Variants in PGS1 observed in about 807,000 individuals in gnomAD.
PGS1 encodes CDP-diacylglycerol--glycerol-3-phosphate 3-phosphatidyltransferase, mitochondrial.
PGS1 carries 44 observed loss-of-function variants against 58.3 expected under a neutral mutation model. That is an observed-to-expected ratio of 0.75 (90% CI 0.59 to 0.97). The LOEUF (loss-of-function observed/expected upper bound fraction) is 0.97. Among genes scored for constraint, PGS1 ranks in the 50% least tolerant of loss-of-function variants. PGS1 has a pLI of 0.00. For missense variants in PGS1, 684 were observed against 731.1 expected (o/e 0.94, Z 0.74); for synonymous variants, 330 against 311.0 (o/e 1.06, Z -0.64).
In PGS1 at chr17:78,399,527, A is replaced by G. The variant is rs2083489381; in HGVS notation, c.691A>G (p.Ile231Val). Residue 231 changes from isoleucine to valine, a missense_variant, in exon 5 of 10, where the codon ATC becomes GTC. Transcript: ENST00000262764. ...IKVYLFDNSV[I>V]LSGANLSDSY... ...GGTGTACCTCTTCGACAACAGCGTC[A>G]TCTTGAGCGGGTGAGTGCTTCCCAC... 1 of 1,614,170 alleles carries G rather than the reference A, an allele frequency of 6.2e-7. No homozygotes were observed. The highest frequency in any genetic ancestry group is 8.5e-7 in the Non-Finnish European group (1 of 1,180,022).
At chr17:78,417,519 A>G (rs1400668091) in intron 8 of PGS1, among the ~76,000 whole-genome samples, 1 of 152,076 alleles carries the variant, frequency 6.6e-6, no homozygotes, top group African/African-American at 2.4e-5. Context: ...TTGATGGGAA[A>G]AGCCAAGGCC....
chr17:78,379,088 G>A (rs1049529361), intron 1 of PGS1, among the ~76,000 whole-genome samples: 1 of 152,232 alleles, frequency 6.6e-6, no homozygotes, highest in African/African-American at 2.4e-5. Flanking sequence ...CACCGTGCTT[G>A]TTGGCGAGCC....
intron 6 of PGS1, among the ~76,000 whole-genome samples, chr17:78,402,187 G>T (rs55829039): frequency 0.021 from 3,159 of 152,260 alleles, 36 homozygotes; most frequent in Middle Eastern, 0.037. Context: ...CTGTAGCCCA[G>T]CCCTGAAAGG....
At chr17:78,423,735 C>T in intron 9 of PGS1, 1 of 859,892 alleles carries the variant, frequency 1.2e-6, no homozygotes, top group Non-Finnish European at 1.8e-6. Flanking sequence ...CCACCTCTTC[C>T]ACACCAACCT....
At chr17:78,402,412 A>G (rs1048762091) in intron 6 of PGS1, among the ~76,000 whole-genome samples, 64 of 14,544 alleles carry the variant, frequency 4.4e-3, no homozygotes, top group Middle Eastern at 0.028. Context: ...ATATATATAT[A>G]TATATATATA....
In PGS1 at chr17:78,392,542, C is replaced by T. The variant is rs1768881336; in HGVS notation, c.210C>T (p.Cys70=). 1.2e-6 allele frequency: 2 copies of T among 1,614,044 alleles called. No homozygotes were observed. Among genetic ancestry groups the T allele is most frequent in the African/African-American group, 1.3e-5 (1 of 74,942 alleles). The change falls in exon 2 of 10, where the codon TGC becomes TGT. Residue 70 remains cysteine (C), a synonymous_variant. Transcript: ENST00000262764. The part of the protein sequence containing the change: ...PAVPQVTSPP[C]CLCPEGVHRF... ...TTCCCCAGGTCACCTCCCCACCTTG[C>T]TGCCTGTGTCCAGAAGGCGTGCACC... is the stretch of plus-strand genomic sequence containing the variant.
intron 7 of PGS1, among the ~76,000 whole-genome samples, chr17:78,404,599 T>C (rs535634839): frequency 2.0e-5 from 3 of 152,250 alleles, no homozygotes; most frequent in East Asian, 1.9e-4. Context: ...CTGTATATGG[T>C]CACATTATTT....
At chr17:78,412,674 G>A (rs1034096738) in intron 7 of PGS1, among the ~76,000 whole-genome samples, 2 of 152,208 alleles carry the variant, frequency 1.3e-5, no homozygotes, top group African/African-American at 4.8e-5. Flanking sequence ...GGTGGACACC[G>A]AGTCATGGTG....
chr17:78,422,972 T>C (rs1044870425), intron 9 of PGS1, among the ~76,000 whole-genome samples: 1 of 152,134 alleles, frequency 6.6e-6, no homozygotes, highest in Non-Finnish European at 1.5e-5. Context: ...GGTGGGTGCC[T>C]GTAACCCCAG....
chr17:78,398,058 G>T, intron 3 of PGS1, 194 bp from the exon 4 acceptor site: 1 of 657,366 alleles, frequency 1.5e-6, no homozygotes, highest in Non-Finnish European at 2.8e-6. Flanking sequence ...TCAGGCCCCT[G>T]GGTGCTTCTT....
In PGS1 at chr17:78,400,722, C is replaced by A; in HGVS notation, c.747C>A (p.Tyr249Ter). The A allele has an allele frequency of 1.2e-6, 2 of 1,613,980 alleles. No homozygotes were observed. Among genetic ancestry groups the A allele is most frequent in the Non-Finnish European group, 1.7e-6 (2 of 1,179,956 alleles). Residue 249 changes from tyrosine (Y) to a stop codon, truncating the protein, a stop_gained, in exon 6 of 10, where the codon TAC (tyrosine) becomes TAA (stop). Transcript: ENST00000262764. LOFTEE classifies it high-confidence loss of function. This position sits in a 1 kb window ranked among gnomAD's most constrained non-coding sequence, Gnocchi z 4.4. ...ACTTCACCAACCGCCAGGACCGCTACGTGTTCCTGCAGGACTGTGCGGAGA... is the reference window on the plus strand; with the variant it reads ...ACTTCACCAACCGCCAGGACCGCTAAGTGTTCCTGCAGGACTGTGCGGAGA... ...DSYFTNRQDRYVFLQDCAEIA... is the reference protein window; with the variant it reads ...DSYFTNRQDR
chr17:78,401,700 C>T (rs1370942535), intron 6 of PGS1, among the ~76,000 whole-genome samples: 1 of 152,130 alleles, frequency 6.6e-6, no homozygotes, highest in Non-Finnish European at 1.5e-5. Context: ...GCCTCAGACC[C>T]CGACCGTGAT....
Position 78,419,656 on chromosome 17 carries a change from C to A in PGS1, c.1662C>A (p.Asn554Lys). The A allele has an allele frequency of 6.2e-7, 1 of 1,613,984 alleles. No individual in the cohort carries two copies. Residue 554 changes from asparagine to lysine, a missense_variant, in exon 9 of 10, where the codon AAC becomes AAA. Asn to Lys is a moderately conservative substitution (Grantham distance 94). Transcript: ENST00000262764. ...WVKMVTPLIK[N>K]FF is the part of the protein sequence containing the mutation. Reference sequence around the variant, plus strand: ...AGATGGTGACTCCACTGATCAAGAACTTCTTCTGAGGACAGACAGGTGCTG... The same window carrying A: ...AGATGGTGACTCCACTGATCAAGAAATTCTTCTGAGGACAGACAGGTGCTG...
chr17:78,398,433 C>T lies in PGS1; in HGVS notation c.511+82C>T, dbSNP rs1397531799. 4 of 939,506 alleles carry T rather than the reference C, an allele frequency of 4.3e-6. No individual in the cohort carries two copies. The East Asian group carries it at 7.2e-5, about 17-fold the overall frequency. The allele number at this position is 939,506 out of a possible 1,614,324, so 58.2% of individuals were successfully genotyped here. A position where few individuals can be genotyped will look rare whatever the true frequency, so the allele number is the denominator to read the frequency against. ...AGAGGGGTTACTGTCACCCCCTCAT[C>T]CCCAGGCAGAGTCAAGGCTATTTGA... is the stretch of plus-strand genomic sequence containing the variant. On this transcript the variant is annotated intron_variant, in intron 4 of 9. Coordinates refer to ENST00000262764, the MANE Select transcript of PGS1 (RefSeq NM_024419.5).
intron 7 of PGS1, among the ~76,000 whole-genome samples, chr17:78,413,148 A>G (rs1004496038): frequency 2.0e-5 from 3 of 152,224 alleles, no homozygotes; most frequent in African/African-American, 4.8e-5. Flanking sequence ...CAGGCCAGCA[A>G]GTGGCTTTGA....
chr17:78,391,028 C>T (rs1233893655), intron 1 of PGS1, among the ~76,000 whole-genome samples: 2 of 152,038 alleles, frequency 1.3e-5, no homozygotes, highest in Non-Finnish European at 1.5e-5. Context: ...GCAATCTCCG[C>T]CTCCCAGGTT....
At chr17:78,384,883 A>C (rs374158664) in intron 1 of PGS1, among the ~76,000 whole-genome samples, 4 of 152,212 alleles carry the variant, frequency 2.6e-5, no homozygotes, top group Non-Finnish European at 5.9e-5. Context: ...GGGACGTCTA[A>C]AGGTGCAGTG....
Position 78,378,731 on chromosome 17 carries a change from T to C in PGS1, c.66T>C (p.Pro22=). Residue 22 remains proline (P), a synonymous_variant, in exon 1 of 10, where the codon CCT becomes CCC. Coordinates refer to ENST00000262764, the MANE Select transcript of PGS1 (RefSeq NM_024419.5). ...GGAGGCGACTGCTGGGCCTCCTGCCTGGCCGCCCAGGGCTGGCCGCGCTCC... is the reference window on the plus strand; with the variant it reads ...GGAGGCGACTGCTGGGCCTCCTGCCCGGCCGCCCAGGGCTGGCCGCGCTCC... ...VFWRRLLGLL[P]GRPGLAALLG... is the part of the protein sequence containing the mutation. 2 of 1,513,666 alleles carry C rather than the reference T, an allele frequency of 1.3e-6. No homozygotes were observed. Among genetic ancestry groups the C allele is most frequent in the South Asian group, 1.2e-5 (1 of 81,604 alleles). 93.8% of individuals were successfully genotyped at this position (1,513,666 alleles called of 1,614,324 possible).
rs2085507988 is a variant in PGS1, at chr17:78,419,563, C to CA, written c.1569_1570insA (p.Leu524ThrfsTer83). 1.2e-6 allele frequency: 2 copies of CA among 1,614,032 alleles called. No homozygotes were observed. Among genetic ancestry groups the CA allele is most frequent in the Non-Finnish European group, 1.7e-6 (2 of 1,179,944 alleles). ...TTCCTCAGGAGCAAGAGCAGCTCTACCTGAGGTCAGGTGTGGTGTCCTCTG... is the reference window on the plus strand; with the variant it reads ...TTCCTCAGGAGCAAGAGCAGCTCTACACTGAGGTCAGGTGTGGTGTCCTCTG... On this transcript the variant is annotated frameshift_variant, in exon 9 of 10. Transcript: ENST00000262764. LOFTEE classifies it high-confidence loss of function.
Sources: allele counts gnomAD v4.1 joint callset (sites outside exome capture counted in the v4.1 genomes callset), GRCh38; gene constraint gnomAD v4.1.1; non-coding constraint Gnocchi (gnomAD v3.1); transcripts MANE v1.5; gene names NCBI Gene and HGNC (gene_info 2026-07-23, HGNC 2026-07-21).